COL26A1: variants seen among roughly 807,000 people sequenced by gnomAD.
COL26A1 encodes the protein collagen type XXVI alpha 1 chain.
In COL26A1, 41 loss-of-function variants were observed where a neutral mutation model predicts 59.3. The ratio of observed to expected loss-of-function variants is 0.69; its 90% CI spans 0.54 to 0.90. The LOEUF (loss-of-function observed/expected upper bound fraction) is 0.90. Among genes scored for constraint, COL26A1 ranks in the 40% least tolerant of loss-of-function variants. The probability of loss-of-function intolerance (pLI) is 0.00; values close to 1 mark genes in which losing one functional copy is unlikely to be tolerated. For missense variants in COL26A1, 612 were observed against 602.3 expected, an observed-to-expected ratio of 1.02 and a Z score of -0.17; for synonymous variants, 266 against 256.0, an observed-to-expected ratio of 1.04 and a Z score of -0.37.
At chr7:101,531,712 TC>T (rs1795372296) in intron 3 of COL26A1, among the ~76,000 whole-genome samples, 1 of 150,720 alleles carries the variant, frequency 6.6e-6, no homozygotes, top group South Asian at 2.1e-4. Flanking sequence ...GTCCTGAGAC[TC>T]CCCCCAACTC....
chr7:101,366,364 C>T (rs1489148370), intron 1 of COL26A1, among the ~76,000 whole-genome samples: 1 of 151,704 alleles, frequency 6.6e-6, no homozygotes, highest in East Asian at 1.9e-4. Flanking sequence ...CCTTGGCCTT[C>T]AGTAGTGTGT....
At chr7:101,473,331 C>G (rs1793950778) in intron 3 of COL26A1, among the ~76,000 whole-genome samples, 1 of 152,152 alleles carries the variant, frequency 6.6e-6, no homozygotes. Flanking sequence ...CCACCTCAGC[C>G]TCCCAAAATG....
At chr7:101,424,812 G>T (rs1792605029) in intron 2 of COL26A1, among the ~76,000 whole-genome samples, 3 of 152,104 alleles carry the variant, frequency 2.0e-5, no homozygotes, top group Admixed American at 6.6e-5. Flanking sequence ...TCCTGGTTTT[G>T]CTGGCCTTGC....
chr7:101,464,989 G>C (rs558546257), intron 3 of COL26A1, among the ~76,000 whole-genome samples: 98 of 151,258 alleles, frequency 6.5e-4, no homozygotes, highest in Non-Finnish European at 1.2e-3. Context: ...TGGTATTATA[G>C]GTGTAAGTCA....
chr7:101,474,170 G>A (rs1159323160), intron 3 of COL26A1, among the ~76,000 whole-genome samples: 1 of 152,170 alleles, frequency 6.6e-6, no homozygotes, highest in African/African-American at 2.4e-5. Flanking sequence ...TGAGAAAGAT[G>A]GGGTCAGGTG....
At position 101,451,891 on chromosome 7, in the gene COL26A1, G is replaced by A. The variant is rs1215078282; in HGVS notation, c.385+4104G>A. The stretch of plus-strand genomic sequence containing the variant: ...AGCTATGTTTTTTGTATTTTTAGTA[G>A]AGATGGGGTTTCACCATTTTGGCCA... On this transcript the variant is annotated intron_variant, in intron 3 of 12. Transcript: ENST00000313669. Among the ~76,000 whole-genome samples the A allele has an allele frequency of 2.4e-4, 37 of 151,982 alleles. 1 individual carries two copies. Among genetic ancestry groups the A allele is most frequent in the Admixed American group, 2.4e-3 (37 of 15,208 alleles).
intron 2 of COL26A1, among the ~76,000 whole-genome samples, chr7:101,444,390 T>C (rs1372518326): frequency 4.0e-5 from 6 of 149,836 alleles, no homozygotes; most frequent in Non-Finnish European, 8.9e-5. Flanking sequence ...AATTTCTTTC[T>C]TCCTTCCTTT....
chr7:101,378,882 G>C (rs1375867655), intron 1 of COL26A1, among the ~76,000 whole-genome samples: 1 of 151,976 alleles, frequency 6.6e-6, no homozygotes, highest in Non-Finnish European at 1.5e-5. Flanking sequence ...TTTCCCCGGG[G>C]AGTTGTCCCT....
intron 3 of COL26A1, among the ~76,000 whole-genome samples, chr7:101,531,716 C>A (rs1472371630): frequency 6.6e-6 from 1 of 152,122 alleles, no homozygotes; most frequent in African/African-American, 2.4e-5. Context: ...TGAGACTCCC[C>A]CCAACTCCCC....
At chr7:101,501,303 A>T (rs938944656) in intron 3 of COL26A1, among the ~76,000 whole-genome samples, 2 of 151,294 alleles carry the variant, frequency 1.3e-5, no homozygotes, top group Non-Finnish European at 2.9e-5. Flanking sequence ...GGGGGCCACG[A>T]GAGTCATTAG....
rs188236178 is a variant in COL26A1, at chr7:101,557,315, C to T, written c.1166-55C>T. 8.3e-4 allele frequency: 1,280 copies of T among 1,542,490 alleles called. 2 individuals are homozygous for T. The highest frequency in any genetic ancestry group is 3.8e-3 in the Middle Eastern group (22 of 5,794). ...TGGCCACATATCATGATCAAATGTA[C>T]CCCCAAGTGTTCCTAAGGCTCTACC... On this transcript the variant is annotated intron_variant, in intron 12 of 12. Transcript: ENST00000313669.
chr7:101,518,993 G>GA (rs549415936), intron 3 of COL26A1, among the ~76,000 whole-genome samples: 120 of 152,294 alleles, frequency 7.9e-4, no homozygotes, highest in African/African-American at 2.8e-3. Flanking sequence ...TCATTCTGGG[G>GA]ACATCTCCCA....
rs1330959198 is a variant in COL26A1 at position 101,362,927 on chromosome 7, C to T, written c.-106C>T. On this transcript the variant is annotated 5_prime_UTR_variant, in exon 1 of 13. Coordinates refer to ENST00000313669, the MANE Select transcript of COL26A1 (RefSeq NM_001278563.3). Reference sequence around the variant, plus strand: ...CGGGCTCCGACCGCTCGCCCCGCTCCTCTCGCTGTGCTCCCGGCCGGTGCC... The same window carrying T: ...CGGGCTCCGACCGCTCGCCCCGCTCTTCTCGCTGTGCTCCCGGCCGGTGCC... 1.6e-6 allele frequency: 2 copies of T among 1,221,322 alleles called. No individual in the cohort carries two copies. Among genetic ancestry groups the T allele is most frequent in the East Asian group, 2.9e-5 (1 of 34,160 alleles). 75.7% of individuals were successfully genotyped at this position (1,221,322 alleles called of 1,614,324 possible).
intron 1 of COL26A1, among the ~76,000 whole-genome samples, chr7:101,372,190 G>A (rs1404243792): frequency 6.6e-5 from 10 of 150,834 alleles, no homozygotes; most frequent in Non-Finnish European, 1.3e-4. Flanking sequence ...TTTTGAGACG[G>A]AGTCTGGCTG....
intron 1 of COL26A1, among the ~76,000 whole-genome samples, chr7:101,397,241 T>C (rs1279089098): frequency 6.6e-6 from 1 of 152,148 alleles, no homozygotes; most frequent in Non-Finnish European, 1.5e-5. Context: ...TCTCATTAGA[T>C]TGCAGGTCTC....
chr7:101,454,778 G>A (rs577377357), intron 3 of COL26A1, among the ~76,000 whole-genome samples: 2 of 152,250 alleles, frequency 1.3e-5, no homozygotes, highest in East Asian at 3.9e-4. Context: ...TGAGTTCAAT[G>A]TTAATGAATC....
chr7:101,439,937 C>G (rs1793012491), intron 2 of COL26A1, among the ~76,000 whole-genome samples: 1 of 152,018 alleles, frequency 6.6e-6, no homozygotes, highest in African/African-American at 2.4e-5. Context: ...TGCAGGGAGC[C>G]TTGAGGAAGA....
chr7:101,399,142 C>T (rs746832158), intron 1 of COL26A1, among the ~76,000 whole-genome samples: 18 of 151,906 alleles, frequency 1.2e-4, no homozygotes, highest in Non-Finnish European at 2.2e-4. Flanking sequence ...CCCATCTCTA[C>T]AAAAAATTTC....
chr7:101,391,393 C>T (rs887170882), intron 1 of COL26A1, among the ~76,000 whole-genome samples: 1 of 152,074 alleles, frequency 6.6e-6, no homozygotes, highest in African/African-American at 2.4e-5. Context: ...CTGTGATATA[C>T]TCCTGGGCCC....
Sources: allele counts gnomAD v4.1 joint callset (sites outside exome capture counted in the v4.1 genomes callset), GRCh38; gene constraint gnomAD v4.1.1; transcripts MANE v1.5; gene names NCBI Gene and HGNC (gene_info 2026-07-23, HGNC 2026-07-21).